The following AFF1 variants were observed in gnomAD, a reference collection of about 807,000 sequenced individuals.
AFF1 encodes ALF transcription elongation factor 1.
In AFF1, 48 loss-of-function variants were observed where a neutral mutation model predicts 121.7. The observed-to-expected ratio is 0.39, with a 90% CI of 0.31 to 0.50. The LOEUF (loss-of-function observed/expected upper bound fraction) is 0.50. Among genes scored for constraint, AFF1 ranks in the 20% least tolerant of loss-of-function variants. The pLI is 0.76. For synonymous variants in AFF1, 613 were observed against 563.0 expected (o/e 1.09, Z -1.26); for missense variants, 1,523 against 1,511.7 (o/e 1.01, Z -0.12).
chr4:87,100,754 A>G (rs1011645908), intron 8 of AFF1, among the ~76,000 whole-genome samples: 1 of 152,236 alleles, frequency 6.6e-6, no homozygotes, highest in Non-Finnish European at 1.5e-5. Context: ...ACAGTATTTA[A>G]TAGACATGGT....
At chr4:87,035,477 T>C (rs1663338318) in intron 2 of AFF1, among the ~76,000 whole-genome samples, 1 of 151,780 alleles carries the variant, frequency 6.6e-6, no homozygotes, top group African/African-American at 2.4e-5. Context: ...AGGAGAATGA[T>C]GTGAACCCGG....
Position 87,092,214 on chromosome 4 carries a change from T to G in AFF1, c.1228+385T>G, listed in dbSNP as rs527400847. Among the ~76,000 whole-genome samples the G allele has an allele frequency of 5.9e-4, 90 of 152,232 alleles. No individual in the cohort carries two copies. The Middle Eastern group carries it at 0.014, about 23-fold the overall frequency. ...GGGAGGATCACTTGAGCCTAGGAAG[T>G]AGAGGTTGCAGTGAGCCAAGATTGT... On this transcript the variant is annotated intron_variant, in intron 7 of 20. Transcript: ENST00000395146.
At chr4:87,028,551 G>C (rs900851837) in intron 2 of AFF1, among the ~76,000 whole-genome samples, 1 of 152,092 alleles carries the variant, frequency 6.6e-6, no homozygotes, top group Non-Finnish European at 1.5e-5. Context: ...GATGAGTTGT[G>C]TGTGCTTGAT....
chr4:87,028,896 T>G (rs1728794569), intron 2 of AFF1, among the ~76,000 whole-genome samples: 1 of 152,208 alleles, frequency 6.6e-6, no homozygotes, highest in Non-Finnish European at 1.5e-5. Flanking sequence ...GGCAGGCGGA[T>G]TGTCCCCAAA....
At chr4:86,985,484 C>T (rs1370419143) in intron 2 of AFF1, among the ~76,000 whole-genome samples, 1 of 148,304 alleles carries the variant, frequency 6.7e-6, no homozygotes, top group Middle Eastern at 3.2e-3. Flanking sequence ...CCAGCCCGGG[C>T]CGACAACAGC....
intron 4 of AFF1, among the ~76,000 whole-genome samples, chr4:87,066,873 T>G (rs1377180830): frequency 6.6e-6 from 1 of 152,182 alleles, no homozygotes; most frequent in Non-Finnish European, 1.5e-5. Context: ...CATTTACAAA[T>G]TAAGATGTTT....
In AFF1 at chr4:86,961,798, A is replaced by G. The variant is rs1722170544; in HGVS notation, c.38+13227A>G. On this transcript the variant is annotated intron_variant, in intron 2 of 20. Coordinates refer to ENST00000395146, the MANE Select transcript of AFF1 (RefSeq NM_001166693.3). ...AGAGCACTTTGTGGTCTGTTACAGC[A>G]TTGCACAGATGTCAGGTGGCTGCCC... Among the ~76,000 whole-genome samples the G allele has an allele frequency of 2.0e-5, 3 of 152,122 alleles. No homozygotes were observed. The South Asian group carries it at 6.2e-4, about 32-fold the overall frequency.
intron 2 of AFF1, among the ~76,000 whole-genome samples, chr4:87,009,799 A>G (rs1483014928): frequency 1.3e-5 from 2 of 152,220 alleles, no homozygotes; most frequent in Non-Finnish European, 2.9e-5. Flanking sequence ...AAGAGAAACC[A>G]AAACATCACC....
intron 11 of AFF1, 136 bp downstream of exon 11, chr4:87,108,451 A>T: frequency 3.2e-6 from 3 of 946,692 alleles, no homozygotes; most frequent in South Asian, 3.5e-5. Flanking sequence ...TCCTGCTCCT[A>T]TGCTGTCTAG....
At position 87,047,249 on chromosome 4, in the gene AFF1, T is replaced by C. The variant is rs775509123; in HGVS notation, c.714T>C (p.His238=). Reference sequence around the variant, plus strand: ...GGACGCAAGGAAGCAGCAAGGTTCATGGCAGCAGCAATAACAGTAAAGGCT... The same window carrying C: ...GGACGCAAGGAAGCAGCAAGGTTCACGGCAGCAGCAATAACAGTAAAGGCT... ...LPRTQGSSKV[H]GSSNNSKGYC... is the part of the protein sequence containing the mutation. The change falls in exon 4 of 21, where the codon CAT becomes CAC. Residue 238 remains histidine (H), a synonymous_variant. Coordinates refer to ENST00000395146, the MANE Select transcript of AFF1 (RefSeq NM_001166693.3). The C allele has an allele frequency of 1.1e-5, 18 of 1,614,088 alleles. No homozygotes were observed. Among genetic ancestry groups the C allele is most frequent in the Admixed American group, 6.7e-5 (4 of 60,000 alleles).
intron 2 of AFF1, among the ~76,000 whole-genome samples, chr4:87,022,204 C>T (rs1240625528): frequency 2.1e-5 from 1 of 48,024 alleles, no homozygotes; most frequent in Non-Finnish European, 4.0e-5. Context: ...GAGACTCCAT[C>T]TCAAAAAAAA....
At chr4:87,038,293 T>G (rs1001178672) in intron 2 of AFF1, among the ~76,000 whole-genome samples, 3 of 152,236 alleles carry the variant, frequency 2.0e-5, no homozygotes, top group Non-Finnish European at 2.9e-5. Context: ...TTACAAATTC[T>G]TTCACATGGA....
At chr4:86,969,639 G>A (rs1388562132) in intron 2 of AFF1, among the ~76,000 whole-genome samples, 9 of 150,834 alleles carry the variant, frequency 6.0e-5, no homozygotes, top group Admixed American at 5.9e-4. Flanking sequence ...CCAGCACTTA[G>A]GGAGGCCGAG....
chr4:87,072,597 C>A (rs1391076853), intron 4 of AFF1, among the ~76,000 whole-genome samples: 1 of 151,670 alleles, frequency 6.6e-6, no homozygotes, highest in African/African-American at 2.4e-5. Flanking sequence ...TCTCAGCTCA[C>A]GGCAGCCTCC....
Position 87,047,370 on chromosome 4 carries a change from C to T in AFF1, c.835C>T (p.Gln279Ter). Residue 279 changes from glutamine to a stop codon, truncating the protein, a stop_gained, in exon 4 of 21, where the codon CAG becomes TAG. Coordinates refer to ENST00000395146, the MANE Select transcript of AFF1 (RefSeq NM_001166693.3). LOFTEE classifies it high-confidence loss of function. Reference protein sequence around the residue: ...SLVAPAQPPSQTFPPPSLPSK... With the variant: ...SLVAPAQPPS ...GGTGGCCCCTGCCCAGCCGCCTTCT[C>T]AGACATTTCCACCTCCCTCCCTCCC... is the stretch of plus-strand genomic sequence containing the variant. The T allele has an allele frequency of 6.2e-7, 1 of 1,614,152 alleles. No individual in the cohort carries two copies. Among genetic ancestry groups the T allele is most frequent in the Non-Finnish European group, 8.5e-7 (1 of 1,180,026 alleles).
chr4:87,014,876 A>G (rs1727147534), intron 2 of AFF1, among the ~76,000 whole-genome samples: 1 of 152,182 alleles, frequency 6.6e-6, no homozygotes, highest in Admixed American at 6.5e-5. Flanking sequence ...ATTAGTTCTC[A>G]TTGTTTTGTA....
chr4:87,064,855 A>G (rs1164434539), intron 4 of AFF1, among the ~76,000 whole-genome samples: 1 of 145,684 alleles, frequency 6.9e-6, no homozygotes, highest in Non-Finnish European at 1.5e-5. Context: ...CCTGGGCAAC[A>G]AGAGTGAAAT....
chr4:87,025,756 C>T (rs1728467476), intron 2 of AFF1, among the ~76,000 whole-genome samples: 1 of 152,174 alleles, frequency 6.6e-6, no homozygotes, highest in Admixed American at 6.5e-5. Flanking sequence ...CCCCAAGTGT[C>T]AATAGTGGAG....
intron 2 of AFF1, among the ~76,000 whole-genome samples, chr4:86,998,111 A>ACAAAAC (rs1401680786): frequency 5.1e-5 from 7 of 138,172 alleles, no homozygotes; most frequent in South Asian, 2.1e-4. Context: ...AAAAAAAAAA[A>ACAAAAC]AAAAAAAAAA....
Sources: allele counts gnomAD v4.1 joint callset (sites outside exome capture counted in the v4.1 genomes callset), GRCh38; gene constraint gnomAD v4.1.1; transcripts MANE v1.5; gene names NCBI Gene and HGNC (gene_info 2026-07-23, HGNC 2026-07-21).